The following NAV1 variants were observed in gnomAD, a reference collection of about 807,000 sequenced individuals.
NAV1 encodes the protein pore membrane and/or filament interacting like protein 3.
A neutral mutation model predicts 175.2 loss-of-function variants in NAV1; 18 were observed. The observed-to-expected ratio is 0.10, with a 90% confidence interval of 0.07 to 0.15. The LOEUF (loss-of-function observed/expected upper bound fraction) is 0.15, where lower values mean the gene tolerates loss of function less well. NAV1 is among the 10% of genes least tolerant of loss of function. The pLI, the probability that NAV1 is intolerant of heterozygous loss-of-function variation, is 1.00. For synonymous variants in NAV1, 897 were observed against 978.7 expected (o/e 0.92, Z 1.56); for missense variants, 1,731 against 2,436.6 (o/e 0.71, Z 6.10).
chr1:201,652,835 G>A (rs79229935), intron 1 of NAV1, among the ~76,000 whole-genome samples: 23 of 152,292 alleles, frequency 1.5e-4, no homozygotes, highest in East Asian at 5.8e-4. Context: ...GTTATGTCCC[G>A]TTAAGACCAT....
intron 1 of NAV1, among the ~76,000 whole-genome samples, chr1:201,572,169 G>A (rs1396467462): frequency 6.6e-6 from 1 of 152,116 alleles, no homozygotes; most frequent in African/African-American, 2.4e-5. Flanking sequence ...AGGAAACTGG[G>A]CAGCGGGGTT....
intron 3 of NAV1, among the ~76,000 whole-genome samples, chr1:201,777,634 T>TTTGTTGTTG (rs112249814): frequency 2.0e-5 from 3 of 150,770 alleles, no homozygotes; most frequent in African/African-American, 7.3e-5. Context: ...ATAGTGGGTT[T>TTTGTTGTTG]TTGTTGTTGT....
Position 201,573,775 on chromosome 1 carries a change from T to G in NAV1, c.-143-14764T>G, listed in dbSNP as rs1164010105. Among the ~76,000 whole-genome samples, 3 of 151,778 alleles carry G rather than the reference T, an allele frequency of 2.0e-5. No homozygotes were observed. In the South Asian group the frequency reaches 6.2e-4, roughly 31 times the overall value. On this transcript the variant is annotated intron_variant, in intron 1 of 33. Coordinates refer to the NAV1 transcript ENST00000685211. ...TCATGGACCCTTTTTGGGAATCTGATGAAAGCTGTGGGCATTGTGTCCAAA... is the reference window on the plus strand; with the variant it reads ...TCATGGACCCTTTTTGGGAATCTGAGGAAAGCTGTGGGCATTGTGTCCAAA...
chr1:201,778,063 A>T (rs1676075892), intron 3 of NAV1, among the ~76,000 whole-genome samples: 1 of 152,192 alleles, frequency 6.6e-6, no homozygotes, highest in Admixed American at 6.5e-5. Context: ...AACTTGCAAA[A>T]GAATTTTGCT....
upstream of NAV1, among the ~76,000 whole-genome samples, chr1:201,618,723 TCTC>T (rs1470872124): frequency 2.0e-5 from 3 of 152,220 alleles, no homozygotes; most frequent in East Asian, 3.9e-4. Context: ...CACTTAACCT[TCTC>T]CACCTCATTT....
exon 1 of NAV1, chr1:201,648,635 C>G (rs1669067700): frequency 7.7e-7 from 1 of 1,298,962 alleles, no homozygotes; most frequent in Admixed American, 4.0e-5. Context: ...TGCCTGCAGA[C>G]GCGCGGATCG....
chr1:201,658,004 G>T (rs1345149300), intron 1 of NAV1, among the ~76,000 whole-genome samples: 1 of 152,180 alleles, frequency 6.6e-6, no homozygotes, highest in Non-Finnish European at 1.5e-5. Context: ...CTGCACTCCA[G>T]CCTGGGTAAT....
At chr1:201,636,291 C>T in intron 2 of NAV1, among the ~76,000 whole-genome samples, 1 of 152,186 alleles carries the variant, frequency 6.6e-6, no homozygotes, top group East Asian at 1.9e-4. Flanking sequence ...CACACCATCC[C>T]AAGACCCCCC....
At chr1:201,559,952 C>T (rs1238164010) in intron 1 of NAV1, among the ~76,000 whole-genome samples, 1 of 152,180 alleles carries the variant, frequency 6.6e-6, no homozygotes, top group East Asian at 1.9e-4. Flanking sequence ...CACGTGTCCC[C>T]TCCTTCTCAG....
chr1:201,736,052 A>C (rs1673100872), intron 3 of NAV1, among the ~76,000 whole-genome samples: 1 of 152,176 alleles, frequency 6.6e-6, no homozygotes, highest in African/African-American at 2.4e-5. Context: ...GCTATCAACT[A>C]GGCCTGGCTA....
intron 4 of NAV1, 93 bp downstream of exon 8, chr1:201,780,652 A>G (rs1402255898): frequency 7.3e-6 from 11 of 1,512,912 alleles, no homozygotes; most frequent in Non-Finnish European, 6.4e-6. Context: ...GTACACACCC[A>G]CTCCATGGGA....
At chr1:201,786,142 G>A (rs1368994545) in intron 8 of NAV1, among the ~76,000 whole-genome samples, 2 of 152,074 alleles carry the variant, frequency 1.3e-5, no homozygotes, top group East Asian at 3.9e-4. Flanking sequence ...TCTCTGTCCT[G>A]AACTTCTGAG....
intron 2 of NAV1, among the ~76,000 whole-genome samples, chr1:201,598,142 T>G (rs1488406906): frequency 6.6e-6 from 1 of 152,228 alleles, no homozygotes; most frequent in African/African-American, 2.4e-5. Context: ...ATGTACACAG[T>G]GCTCTGGCAG....
exon 8 of NAV1, chr1:201,785,322 T>A: frequency 6.2e-7 from 1 of 1,606,514 alleles, no homozygotes; most frequent in Non-Finnish European, 8.5e-7. Context: ...ATCAGCGGGA[T>A]CGGAACACTC....
chr1:201,547,918 C>T (rs964811689), intron 1 of NAV1, among the ~76,000 whole-genome samples: 1 of 152,090 alleles, frequency 6.6e-6, no homozygotes, highest in African/African-American at 2.4e-5. Context: ...CTCAGCCTTC[C>T]GGGTAGCTGG....
chr1:201,734,118 A>G (rs1672986550), intron 3 of NAV1, among the ~76,000 whole-genome samples: 1 of 152,064 alleles, frequency 6.6e-6, no homozygotes, highest in Non-Finnish European at 1.5e-5. Context: ...ATTAAAGAAG[A>G]TAACATTGGC....
rs759870170 is a variant in NAV1 at position 201,718,498 on chromosome 1, G to A, written c.969G>A (p.Pro323=). 13 of 1,607,816 alleles carry A rather than the reference G, an allele frequency of 8.1e-6. No homozygotes were observed. In the East Asian group the frequency reaches 1.1e-4, roughly 14 times the overall value. The stretch of plus-strand genomic sequence containing the variant: ...CATGGCGCTATGGCCAGTCCAGTCC[G>A]CGGCTGCAGGCTGGTGACGCGCCCT... Residue 323 remains proline (P), a synonymous_variant, in exon 3 of 30, where the codon CCG becomes CCA. Coordinates refer to ENST00000367296, the Ensembl canonical transcript of NAV1. The surrounding 1 kb of genome is among the most constrained non-coding windows in gnomAD (Gnocchi z 4.8).
At chr1:201,643,344 CTTT>C (rs1313699072), upstream of NAV1, among the ~76,000 whole-genome samples, 24 of 147,352 alleles carry the variant, frequency 1.6e-4, no homozygotes, top group Non-Finnish European at 3.0e-5. Context: ...TCTCTTCTTT[CTTT>C]CTTTCTTCCC....
intron 1 of NAV1, among the ~76,000 whole-genome samples, chr1:201,653,551 A>G (rs570860083): frequency 6.6e-6 from 1 of 152,226 alleles, no homozygotes; most frequent in South Asian, 2.1e-4. Context: ...GCTCTGGGAT[A>G]CTTTGAGTAG....
Sources: gnomAD v4.1 joint callset for allele counts (sites outside exome capture counted in the v4.1 genomes callset) on GRCh38, gnomAD v4.1.1 for gene constraint, Gnocchi (gnomAD v3.1) non-coding constraint, MANE v1.5 for transcripts, NCBI Gene and HGNC (gene_info 2026-07-23, HGNC 2026-07-21) for gene names.